Variants in DNAAF6 observed in about 807,000 individuals in gnomAD.
DNAAF6 encodes the protein dynein axonemal assembly factor 6, also known as PIH1 domain containing 3.
Under a neutral mutation model 13.7 loss-of-function variants are expected in DNAAF6, and 3 were observed. The observed-to-expected ratio is 0.22, with a 90% CI of 0.10 to 0.56. DNAAF6 has a LOEUF of 0.56. DNAAF6 is among the 20% of genes least tolerant of loss of function. DNAAF6 has a pLI of 0.92. For missense variants in DNAAF6, 130 were observed against 151.0 expected (o/e 0.86, Z 0.73); for synonymous variants, 54 against 49.2 (o/e 1.10, Z -0.41).
At chrX:107,206,853 C>G (rs1927714004) in intron 1 of DNAAF6, among the ~76,000 whole-genome samples, 163 bp downstream of exon 1, 1 of 111,558 alleles carries the variant, frequency 9.0e-6, no homozygotes, top group Non-Finnish European at 1.9e-5. Context: ...ATCCCGCTAT[C>G]CTAGACTCTT....
At chrX:107,234,500 T>C (rs899333758) in intron 5 of DNAAF6, among the ~76,000 whole-genome samples, 2 of 112,207 alleles carry the variant, frequency 1.8e-5, no homozygotes, top group Non-Finnish European at 3.8e-5. Context: ...ACCCAAACTT[T>C]TTCTGTTAAT....
chrX:107,229,624 T>G (rs1381104650), intron 5 of DNAAF6, among the ~76,000 whole-genome samples: 2 of 110,399 alleles, frequency 1.8e-5, no homozygotes, highest in African/African-American at 6.6e-5. Flanking sequence ...CTACCTATTC[T>G]CTTTTCACCT....
Position 107,243,239 on chromosome X carries a change from G to A in DNAAF6, c.586G>A (p.Glu196Lys), listed in dbSNP as rs1229613061. The A allele has an allele frequency of 1.7e-6, 2 of 1,209,906 alleles. No homozygotes were observed. The highest frequency in any genetic ancestry group is 5.9e-5 in the East Asian group (2 of 33,772). The change falls in exon 7 of 7, where the codon GAA becomes AAA. Residue 196 changes from glutamate to lysine, a missense_variant. Physicochemically the swap from Glu to Lys is moderately conservative, Grantham distance 56. Transcript: ENST00000372453. ...CAAAGCATTCTATATCCCAGAGACT[G>A]AAACTCTTGAAATCACTATGACTAT... Reference protein sequence around the residue: ...SAKAFYIPETETLEITMTMKR... With the variant: ...SAKAFYIPETKTLEITMTMKR...
Position 107,228,825 on chromosome X carries a change from T to C in DNAAF6, c.429+5984T>C, listed in dbSNP as rs188751782. On this transcript the variant is annotated intron_variant, in intron 5 of 6. Transcript: ENST00000372453. ...TTGTAGAGACAGGGTCTCATTATGT[T>C]GCCCAAACTGGTCTCAAACTCCTGG... Among the ~76,000 whole-genome samples the C allele has an allele frequency of 2.3e-4, 26 of 110,651 alleles. No homozygotes were observed. In the East Asian group the frequency reaches 5.1e-3, roughly 22 times the overall value.
chrX:107,211,809 G>A (rs889647875), intron 1 of DNAAF6, among the ~76,000 whole-genome samples: 2 of 111,127 alleles, frequency 1.8e-5, no homozygotes, highest in Non-Finnish European at 3.8e-5. Context: ...ATCACTTGGC[G>A]ACAAATCTGA....
chrX:107,222,091 C>T (rs1294890485), intron 4 of DNAAF6, among the ~76,000 whole-genome samples: 1 of 110,777 alleles, frequency 9.0e-6, no homozygotes, highest in African/African-American at 3.3e-5. Context: ...TCAGGAAAAC[C>T]TTTCATTACA....
chrX:107,219,076 A>G, intron 4 of DNAAF6, 107 bp downstream of exon 4: 1 of 943,324 alleles, frequency 1.1e-6, no homozygotes, highest in Non-Finnish European at 1.4e-6. Context: ...CACATAAAAG[A>G]TAAAACTACA....
intron 1 of DNAAF6, among the ~76,000 whole-genome samples, chrX:107,208,274 T>C (rs1359978083): frequency 1.8e-5 from 2 of 108,770 alleles, no homozygotes; most frequent in Admixed American, 9.8e-5. Flanking sequence ...TCTCTACAAA[T>C]AACACAAAAA....
chrX:107,210,062 T>TG (rs1246973559), intron 1 of DNAAF6, among the ~76,000 whole-genome samples: 1 of 110,770 alleles, frequency 9.0e-6, no homozygotes, highest in Admixed American at 9.7e-5. Flanking sequence ...GGTTCTGGAG[T>TG]GTCAGTTGCT....
At chrX:107,212,022 T>G (rs969586025) in intron 1 of DNAAF6, among the ~76,000 whole-genome samples, 1 of 111,970 alleles carries the variant, frequency 8.9e-6, no homozygotes, top group African/African-American at 3.2e-5. Context: ...CTTCATTTGG[T>G]ATTAATCAAC....
At position 107,235,182 on chromosome X, in the gene DNAAF6, A is replaced by T. The variant is rs142112497; in HGVS notation, c.430-3740A>T. Among the ~76,000 whole-genome samples the T allele has an allele frequency of 4.5e-5, 5 of 112,046 alleles. No homozygotes were observed. In the East Asian group the frequency reaches 1.1e-3, roughly 25 times the overall value. ...AGTTTTTACTACTTGCCTGAAGAGA[A>T]GCTGAAAGTGGGAAGAAGGGATCTC... On this transcript the variant is annotated intron_variant, in intron 5 of 6. Coordinates refer to ENST00000372453, the MANE Select transcript of DNAAF6 (RefSeq NM_173494.2).
At chrX:107,227,482 C>T (rs753873536) in intron 5 of DNAAF6, among the ~76,000 whole-genome samples, 6 of 109,883 alleles carry the variant, frequency 5.5e-5, no homozygotes, top group Middle Eastern at 4.7e-3. Context: ...AGAGGATGGA[C>T]CTAGTTTTTT....
chrX:107,222,726 A>G lies in DNAAF6; in HGVS notation c.333-19A>G, dbSNP rs757801779. 1 of 1,193,193 alleles carries G rather than the reference A, an allele frequency of 8.4e-7. No homozygotes were observed. Among genetic ancestry groups the G allele is most frequent in the Non-Finnish European group, 1.1e-6 (1 of 888,121 alleles). ...TTGCTCTTTCATCTGAGTCCCTATAATCATTGATTTTTTTTCAGGTATGAG... is the reference window on the plus strand; with the variant it reads ...TTGCTCTTTCATCTGAGTCCCTATAGTCATTGATTTTTTTTCAGGTATGAG... On this transcript the variant is annotated intron_variant, in intron 4 of 6. Transcript: ENST00000372453.
intron 5 of DNAAF6, among the ~76,000 whole-genome samples, chrX:107,226,320 T>C (rs1569374396): frequency 8.9e-6 from 1 of 111,907 alleles, no homozygotes; most frequent in Non-Finnish European, 1.9e-5. Context: ...TGTTTTTCTT[T>C]TTATCCTCTA....
At chrX:107,208,029 AT>A (rs1569370404) in intron 1 of DNAAF6, among the ~76,000 whole-genome samples, 1 of 111,552 alleles carries the variant, frequency 9.0e-6, no homozygotes, top group Non-Finnish European at 1.9e-5. Context: ...AGAGAAAAAA[AT>A]ATTAAGTGTA....
intron 5 of DNAAF6, among the ~76,000 whole-genome samples, chrX:107,237,968 G>A (rs1021622734): frequency 5.9e-4 from 66 of 111,959 alleles, no homozygotes; most frequent in African/African-American, 2.0e-3. Context: ...GCAACAGAGC[G>A]GGACTGCGTC....
chrX:107,236,546 G>A (rs1245848860), intron 5 of DNAAF6, among the ~76,000 whole-genome samples: 9 of 111,529 alleles, frequency 8.1e-5, no homozygotes, highest in African/African-American at 2.6e-4. Flanking sequence ...TAATGTGTGC[G>A]ATTCCACCTA....
Position 107,223,611 on chromosome X carries a change from C to A in DNAAF6, c.429+770C>A, listed in dbSNP as rs898044601. On this transcript the variant is annotated intron_variant, in intron 5 of 6. Coordinates refer to ENST00000372453, the MANE Select transcript of DNAAF6 (RefSeq NM_173494.2). ...AAATTTTATTTTTTGAGATCAGGAA[C>A]TTTGCTTCTATTTTTTTTCCTCCTT... 4.5e-5 allele frequency among the ~76,000 whole-genome samples: 5 copies of A among 111,608 alleles called. No homozygotes were observed. In the Admixed American group the frequency reaches 4.8e-4, roughly 11 times the overall value.
intron 2 of DNAAF6, 43 bp downstream of exon 2, chrX:107,213,071 A>G (rs745636887): frequency 1.8e-6 from 2 of 1,134,746 alleles, no homozygotes; most frequent in Non-Finnish European, 2.3e-6. Flanking sequence ...GTTCATGGGA[A>G]GTTGTGGAAC....
Sources: gnomAD v4.1 joint callset for allele counts (sites outside exome capture counted in the v4.1 genomes callset) on GRCh38, gnomAD v4.1.1 for gene constraint, MANE v1.5 for transcripts, NCBI Gene and HGNC (gene_info 2026-07-23, HGNC 2026-07-21) for gene names.